GPC5: variants seen among roughly 807,000 people sequenced by gnomAD.
GPC5 encodes the protein glypican-5.
A neutral mutation model predicts 53.9 loss-of-function variants in GPC5; 47 were observed. That is an observed-to-expected ratio of 0.87 (90% CI 0.69 to 1.11). The LOEUF is 1.11. GPC5 is among the 50% of genes most tolerant of loss of function. GPC5 has a pLI of 0.00. For synonymous variants in GPC5, 286 were observed against 263.3 expected (o/e 1.09, Z -0.84); for missense variants, 748 against 713.1 (o/e 1.05, Z -0.56).
At chr13:92,130,250 A>G (rs2041732028) in intron 6 of GPC5, among the ~76,000 whole-genome samples, 1 of 152,046 alleles carries the variant, frequency 6.6e-6, no homozygotes, top group African/African-American at 2.4e-5. Flanking sequence ...GGAGACCCGA[A>G]CTACAGAAAT....
chr13:91,724,231 TTTC>T (rs2036531970), intron 3 of GPC5, among the ~76,000 whole-genome samples: 1 of 152,130 alleles, frequency 6.6e-6, no homozygotes, highest in Admixed American at 6.5e-5. Context: ...AACTACTTTG[TTTC>T]TTATTTTATT....
chr13:92,162,090 A>T (rs1214071180), intron 7 of GPC5, among the ~76,000 whole-genome samples: 1 of 142,998 alleles, frequency 7.0e-6, no homozygotes, highest in Non-Finnish European at 1.5e-5. Flanking sequence ...CCATACCTTT[A>T]TGTTATGAGT....
At chr13:91,977,949 AAAG>A (rs201514725) in intron 6 of GPC5, among the ~76,000 whole-genome samples, 2 of 29,282 alleles carry the variant, frequency 6.8e-5, no homozygotes, top group African/African-American at 2.5e-4. Flanking sequence ...GCCATCTCTA[AAAG>A]AAAAAAGAAA....
intron 7 of GPC5, among the ~76,000 whole-genome samples, chr13:92,485,742 A>G (rs368232078): frequency 4.6e-5 from 7 of 152,248 alleles, no homozygotes; most frequent in African/African-American, 1.7e-4. Context: ...TTGGGAGGCC[A>G]AGGTGGGTGG....
In GPC5 at chr13:92,803,584, G is replaced by T. The variant is rs184115729; in HGVS notation, c.1562-62698G>T. 4.6e-4 allele frequency among the ~76,000 whole-genome samples: 70 copies of T among 151,824 alleles called. No individual in the cohort carries two copies. In the East Asian group the frequency reaches 0.013, roughly 29 times the overall value. On this transcript the variant is annotated intron_variant, in intron 7 of 7. Transcript: ENST00000377067. ...TCGAAATAATTATTTATCACCTAAG[G>T]TCTTGTATTAACAGCTTCATCTTCA...
intron 7 of GPC5, among the ~76,000 whole-genome samples, chr13:92,527,118 AAGAAAGAAAGAAAGAAAG>A (rs1881320377): frequency 1.2e-5 from 1 of 85,702 alleles, no homozygotes; most frequent in South Asian, 4.0e-4. Context: ...AAAAGAAAGA[AAGAAAGAAAGAAAGAAAG>A]AAAGAAAGAA....
chr13:91,940,881 C>T (rs1359849831), intron 6 of GPC5, among the ~76,000 whole-genome samples: 1 of 151,894 alleles, frequency 6.6e-6, no homozygotes, highest in Non-Finnish European at 1.5e-5. Flanking sequence ...TTTATAGATT[C>T]TGGATATTAT....
intron 6 of GPC5, among the ~76,000 whole-genome samples, chr13:92,067,619 T>C (rs1300425768): frequency 6.6e-6 from 1 of 152,052 alleles, no homozygotes; most frequent in African/African-American, 2.4e-5. Context: ...TGTGTAAGTA[T>C]GCAAATAACT....
At chr13:92,510,864 A>G (rs1404803929) in intron 7 of GPC5, among the ~76,000 whole-genome samples, 1 of 152,220 alleles carries the variant, frequency 6.6e-6, no homozygotes, top group African/African-American at 2.4e-5. Flanking sequence ...GCTTGTCAGC[A>G]TTCTTTCTAG....
chr13:91,736,965 A>AT (rs779902515), intron 4 of GPC5, among the ~76,000 whole-genome samples: 6 of 149,792 alleles, frequency 4.0e-5, no homozygotes, highest in Admixed American at 6.6e-5. Context: ...TATTATTATT[A>AT]TTATTATTTT....
intron 6 of GPC5, among the ~76,000 whole-genome samples, chr13:92,037,814 T>C (rs762102095): frequency 1.3e-5 from 2 of 152,210 alleles, no homozygotes; most frequent in Non-Finnish European, 2.9e-5. Flanking sequence ...CATTTGCTTA[T>C]ACACAGGTGT....
chr13:91,425,475 G>A (rs1011146874), intron 1 of GPC5, among the ~76,000 whole-genome samples: 31 of 152,138 alleles, frequency 2.0e-4, no homozygotes, highest in African/African-American at 7.0e-4. Context: ...GATAGTGAGT[G>A]AATTCTCATG....
At chr13:92,169,962 TTATA>T (rs1453245475) in intron 7 of GPC5, among the ~76,000 whole-genome samples, 1 of 151,998 alleles carries the variant, frequency 6.6e-6, no homozygotes, top group African/African-American at 2.4e-5. Flanking sequence ...AATATTATTT[TTATA>T]TATCTATCAC....
At chr13:92,296,521 G>T (rs945623261) in intron 7 of GPC5, among the ~76,000 whole-genome samples, 1 of 152,152 alleles carries the variant, frequency 6.6e-6, no homozygotes. Flanking sequence ...CAGAGCCCTC[G>T]CTTGCTCTCA....
intron 7 of GPC5, among the ~76,000 whole-genome samples, chr13:92,837,229 T>C (rs1267407196): frequency 6.6e-6 from 1 of 152,140 alleles, no homozygotes; most frequent in South Asian, 2.1e-4. Flanking sequence ...CTCCAAGATA[T>C]ACCAACCAAA....
intron 7 of GPC5, among the ~76,000 whole-genome samples, chr13:92,483,467 T>C (rs549132226): frequency 2.8e-4 from 42 of 152,310 alleles, no homozygotes; most frequent in African/African-American, 9.9e-4. Context: ...TAGTACACCT[T>C]ATAGGGAAAT....
intron 6 of GPC5, among the ~76,000 whole-genome samples, chr13:92,029,946 A>G (rs2040828225): frequency 6.6e-6 from 1 of 152,176 alleles, no homozygotes; most frequent in Non-Finnish European, 1.5e-5. Context: ...TACCGAAGGA[A>G]ACTGAAAGAA....
rs193028484 is a variant in GPC5, at chr13:92,538,183, T to C, written c.1562-328099T>C. Among the ~76,000 whole-genome samples the C allele has an allele frequency of 8.6e-4, 131 of 152,192 alleles. 1 individual carries two copies. Among genetic ancestry groups the C allele is most frequent in the African/African-American group, 3.0e-3 (123 of 41,552 alleles). On this transcript the variant is annotated intron_variant, in intron 7 of 7. Transcript: ENST00000377067. ...TAGTCTGTTTAGAGTAACCACATTT[T>C]GCGTATGTAAAAATGGATTATCTAT...
rs118092512 is a variant in GPC5, at chr13:92,146,602, C to T, written c.1561+1613C>T. On this transcript the variant is annotated intron_variant, in intron 7 of 7. Transcript: ENST00000377067. ...AGTGGTGATTTGTGAGATTTGGGTACATCCATCATCTGAGCAGTATACATC... is the reference window on the plus strand; with the variant it reads ...AGTGGTGATTTGTGAGATTTGGGTATATCCATCATCTGAGCAGTATACATC... Among the ~76,000 whole-genome samples, 8 of 152,102 alleles carry T rather than the reference C, an allele frequency of 5.3e-5. No individual in the cohort carries two copies. The South Asian group carries it at 8.3e-4, about 16-fold the overall frequency.
Sources: gnomAD v4.1 joint callset for allele counts (sites outside exome capture counted in the v4.1 genomes callset) on GRCh38, gnomAD v4.1.1 for gene constraint, MANE v1.5 for transcripts, NCBI Gene and HGNC (gene_info 2026-07-23, HGNC 2026-07-21) for gene names.